The following KICS2 variants were observed in gnomAD, a reference collection of about 807,000 sequenced individuals.
The protein encoded by KICS2 is KICSTOR complex protein C12orf66.
KICS2 carries 13 observed loss-of-function variants against 31.4 expected under a neutral mutation model. The observed-to-expected ratio is 0.41, with a 90% CI of 0.27 to 0.66. KICS2 has a LOEUF of 0.66. Ranked by LOEUF, KICS2 falls within the 30% of genes least tolerant of loss-of-function variation. KICS2 has a pLI of 0.28. For missense variants in KICS2, 455 were observed against 545.4 expected, an observed-to-expected ratio of 0.83 and a Z score of 1.65; for synonymous variants, 209 against 214.8, an observed-to-expected ratio of 0.97 and a Z score of 0.24.
intron 2 of KICS2, among the ~76,000 whole-genome samples, chr12:64,214,033 C>T (rs1370093323): frequency 6.6e-6 from 1 of 152,230 alleles, no homozygotes; most frequent in Non-Finnish European, 1.5e-5. Flanking sequence ...AACCTTTTCT[C>T]CTGTAACCTC....
intron 1 of KICS2, among the ~76,000 whole-genome samples, chr12:64,218,642 C>A (rs370524109): frequency 2.7e-4 from 41 of 151,620 alleles, no homozygotes; most frequent in African/African-American, 8.7e-4. Flanking sequence ...AACGGGGTGG[C>A]CTTGGTGAAA....
Position 64,218,670 on chromosome 12 carries a change from A to C in KICS2, c.236-2707T>G, listed in dbSNP as rs553812196. Among the ~76,000 whole-genome samples, 14 of 152,176 alleles carry C rather than the reference A, an allele frequency of 9.2e-5. No homozygotes were observed. The South Asian group carries it at 2.1e-3, about 23-fold the overall frequency. Reference sequence around the variant, plus strand: ...TGGTGAAAATTTTAACTTCACATTGAAAAAGGGATATCATCTGTCTCTAGG... The same window carrying C: ...TGGTGAAAATTTTAACTTCACATTGCAAAAGGGATATCATCTGTCTCTAGG... On this transcript the variant is annotated intron_variant, in intron 1 of 2. Coordinates refer to ENST00000398055, the MANE Select transcript of KICS2 (RefSeq NM_152440.5).
downstream of KICS2, chr12:64,187,573 T>C: frequency 6.8e-7 from 1 of 1,475,288 alleles, no homozygotes; most frequent in Non-Finnish European, 9.2e-7. Context: ...GCCTATTTCT[T>C]CTGACTCATT....
rs2037686580 is a variant in KICS2, at chr12:64,221,845, C to A, written c.235+158G>T. Reference sequence around the variant, plus strand: ...GCCGGTGGGCGGGGCTTGTGGAAGCCCAGGGAAGGAAAGGAACGGTGGGAG... The same window carrying A: ...GCCGGTGGGCGGGGCTTGTGGAAGCACAGGGAAGGAAAGGAACGGTGGGAG... On this transcript the variant is annotated intron_variant, in intron 1 of 2. Transcript: ENST00000398055. 1.8e-5 allele frequency: 15 copies of A among 839,678 alleles called. No homozygotes were observed. The South Asian group carries it at 2.5e-4, about 14-fold the overall frequency. 52.0% of individuals were successfully genotyped at this position (839,678 alleles called of 1,614,324 possible). A position where few individuals can be genotyped will look rare whatever the true frequency, so the allele number is the denominator to read the frequency against.
At chr12:64,214,475 A>C (rs964202814) in intron 2 of KICS2, among the ~76,000 whole-genome samples, 21 of 152,346 alleles carry the variant, frequency 1.4e-4, no homozygotes, top group Admixed American at 7.2e-4. Flanking sequence ...GAGAGAAAGA[A>C]TTGCAAGTAC....
rs932583294 is a variant in KICS2, at chr12:64,194,308, G to C, written c.872C>G (p.Ala291Gly). ...TCCAAAAAAGTCTGGGTTAGCTTTTGCTGTCAACGTTTTCATTTCTGAAGC... is the reference window on the plus strand; with the variant it reads ...TCCAAAAAAGTCTGGGTTAGCTTTTCCTGTCAACGTTTTCATTTCTGAAGC... ...TTASEMKTLTAKANPDFFGKI... is the reference protein window; with the variant it reads ...TTASEMKTLTGKANPDFFGKI... The change falls in exon 3 of 3, where the codon GCA becomes GGA. Residue 291 changes from alanine to glycine, a missense_variant. Physicochemically the swap from Ala to Gly is moderately conservative, Grantham distance 60 (BLOSUM62 0). Coordinates refer to ENST00000398055, the MANE Select transcript of KICS2 (RefSeq NM_152440.5). 6.2e-7 allele frequency: 1 copy of C among 1,614,136 alleles called. No individual in the cohort carries two copies. Among genetic ancestry groups the C allele is most frequent in the African/African-American group, 1.3e-5 (1 of 75,030 alleles).
rs1289361248 is a variant in KICS2 at position 64,192,655 on chromosome 12, CTTTTT to C, written c.*1182_*1186del. The C allele has an allele frequency of 1.0e-6, 1 of 985,310 alleles. No homozygotes were observed. The highest frequency in any genetic ancestry group is 1.2e-6 in the Non-Finnish European group (1 of 829,932). The allele number at this position is 985,310 out of a possible 1,614,324, so 61.0% of individuals were successfully genotyped here. On this transcript the variant is annotated 3_prime_UTR_variant, in exon 3 of 3. Coordinates refer to ENST00000398055, the MANE Select transcript of KICS2 (RefSeq NM_152440.5). ...ACAACTCAATTACTCTTTGTGGCTT[CTTTTT>C]ATTTTGAATCAATAATCTAGAAGTG...
chr12:64,219,668 A>C (rs1293740192), intron 1 of KICS2, among the ~76,000 whole-genome samples: 3 of 152,234 alleles, frequency 2.0e-5, no homozygotes, highest in Non-Finnish European at 4.4e-5. Context: ...ATAACTATGT[A>C]AGGTGATGGA....
intron 2 of KICS2, among the ~76,000 whole-genome samples, chr12:64,207,162 G>A (rs1193223479): frequency 6.6e-6 from 1 of 151,940 alleles, no homozygotes; most frequent in Non-Finnish European, 1.5e-5. Context: ...AAATTAGCTA[G>A]GTGTGGTGAT....
chr12:64,217,834 A>AG (rs1345299174), intron 1 of KICS2, among the ~76,000 whole-genome samples: 1 of 151,794 alleles, frequency 6.6e-6, no homozygotes, highest in Admixed American at 6.6e-5. Context: ...AAGAAAAGAA[A>AG]GAAGGAAGGA....
intron 1 of KICS2, among the ~76,000 whole-genome samples, chr12:64,219,869 C>G (rs1434317682): frequency 6.6e-6 from 1 of 152,026 alleles, no homozygotes; most frequent in Non-Finnish European, 1.5e-5. Context: ...CTAAAGAAAA[C>G]TATATAAATG....
chr12:64,189,737 C>T (rs1485908457), downstream of KICS2, among the ~76,000 whole-genome samples: 1 of 151,952 alleles, frequency 6.6e-6, no homozygotes, highest in Non-Finnish European at 1.5e-5. Flanking sequence ...AAACACTGGG[C>T]AAAATGGACT....
downstream of KICS2, among the ~76,000 whole-genome samples, chr12:64,189,028 C>T (rs927718640): frequency 7.2e-5 from 11 of 152,122 alleles, 1 homozygote; most frequent in Admixed American, 7.2e-4. Context: ...TGGCACGTGC[C>T]TGTAGTCCCA....
At chr12:64,194,946 T>TA (rs566521455) in intron 2 of KICS2, among the ~76,000 whole-genome samples, 131 of 151,826 alleles carry the variant, frequency 8.6e-4, no homozygotes, top group African/African-American at 2.8e-3. Flanking sequence ...ATTTTTTTTT[T>TA]TTTATTTATT....
chr12:64,205,446 T>C (rs1412484231), intron 2 of KICS2, among the ~76,000 whole-genome samples: 1 of 152,202 alleles, frequency 6.6e-6, no homozygotes, highest in Non-Finnish European at 1.5e-5. Context: ...ATGTGCCTCA[T>C]AGCTATTCAC....
chr12:64,214,670 G>A (rs1360439123), intron 2 of KICS2, among the ~76,000 whole-genome samples: 1 of 151,784 alleles, frequency 6.6e-6, no homozygotes, highest in Non-Finnish European at 1.5e-5. Flanking sequence ...ACAAGGTCAG[G>A]AGTTCGAGAC....
downstream of KICS2, among the ~76,000 whole-genome samples, chr12:64,190,745 CAAAA>C (rs200719134): frequency 1.4e-5 from 2 of 138,478 alleles, no homozygotes; most frequent in African/African-American, 5.3e-5. Flanking sequence ...CTTGCCTTTT[CAAAA>C]AAAAAAAGAA....
chr12:64,211,044 G>A, intron 2 of KICS2, among the ~76,000 whole-genome samples: 1 of 152,126 alleles, frequency 6.6e-6, no homozygotes. Context: ...GAAGGGCTCA[G>A]GGATGGGTAT....
chr12:64,207,789 G>A (rs1343335576), intron 2 of KICS2, among the ~76,000 whole-genome samples: 4 of 152,128 alleles, frequency 2.6e-5, no homozygotes, highest in Non-Finnish European at 4.4e-5. Flanking sequence ...AAACACACAA[G>A]TGTAAATTTG....
Sources: allele counts gnomAD v4.1 joint callset (sites outside exome capture counted in the v4.1 genomes callset), GRCh38; gene constraint gnomAD v4.1.1; transcripts MANE v1.5; gene names NCBI Gene and HGNC (gene_info 2026-07-23, HGNC 2026-07-21).